Variants in ACTMAP observed in about 807,000 individuals in gnomAD.
ACTMAP encodes actin maturation protease, also known as UPF0692 protein C19orf54.
the ACTMAP span, among the ~76,000 whole-genome samples, chr19:40,743,195 A>G: frequency 1.3e-5 from 2 of 151,182 alleles, no homozygotes; most frequent in East Asian, 3.9e-4. Context: ...CGGTGCTGGT[A>G]ATACTTACAG....
the ACTMAP span, chr19:40,743,805 G>A: frequency 6.8e-7 from 1 of 1,461,636 alleles, no homozygotes; most frequent in Non-Finnish European, 9.5e-7. Flanking sequence ...GCCCAGCCTG[G>A]CTGGGGAGGC....
chr19:40,743,782 G>A, the ACTMAP span: 2 of 1,222,112 alleles, frequency 1.6e-6, no homozygotes, highest in Admixed American at 1.9e-5. Flanking sequence ...CCTGCCCGGT[G>A]CTAATGCTAA....
At chr19:40,748,451 G>A in the ACTMAP span, among the ~76,000 whole-genome samples, 1 of 151,830 alleles carries the variant, frequency 6.6e-6, no homozygotes, top group African/African-American at 2.4e-5. Context: ...CTTTTCTTCA[G>A]CCAGGCAATC....
chr19:40,742,638 G>A, the ACTMAP span: 1 of 1,613,418 alleles, frequency 6.2e-7, no homozygotes, highest in Non-Finnish European at 8.5e-7. Flanking sequence ...CAGGTAGACA[G>A]CTCCCGGGGA....
At chr19:40,745,091 G>A in the ACTMAP span, 2 of 1,549,166 alleles carry the variant, frequency 1.3e-6, no homozygotes, top group Non-Finnish European at 8.7e-7. Flanking sequence ...CAGAGTAAAG[G>A]CAGCAGATGG....
At chr19:40,741,029 G>A in the ACTMAP span, 1 of 398,712 alleles carries the variant, frequency 2.5e-6, no homozygotes, top group South Asian at 1.3e-4. Context: ...TACAATGCAG[G>A]GGACACAGTG....
At chr19:40,746,400 TTTTTG>T in the ACTMAP span, among the ~76,000 whole-genome samples, 2 of 149,930 alleles carry the variant, frequency 1.3e-5, no homozygotes, top group African/African-American at 5.0e-5. Context: ...TTTGTTTTTG[TTTTTG>T]TTTTTTTTTG....
the ACTMAP span, chr19:40,744,991 T>A: frequency 9.5e-7 from 1 of 1,053,324 alleles, no homozygotes; most frequent in Non-Finnish European, 1.4e-6. Flanking sequence ...GAAGCCTGAG[T>A]GGAAAGTTCC....
At chr19:40,741,208 G>A in the ACTMAP span, 4 of 388,984 alleles carry the variant, frequency 1.0e-5, no homozygotes, top group Admixed American at 4.3e-5. Flanking sequence ...TTGGGAGGCC[G>A]AGGCGGGTGG....
chr19:40,747,671 C>T, the ACTMAP span, among the ~76,000 whole-genome samples: 662 of 152,126 alleles, frequency 4.4e-3, 7 homozygotes, highest in African/African-American at 0.015. Context: ...GCCTGGGCAA[C>T]ACAGCAAGAC....
At chr19:40,750,095 G>A in the ACTMAP span, among the ~76,000 whole-genome samples, 1 of 152,154 alleles carries the variant, frequency 6.6e-6, no homozygotes, top group Non-Finnish European at 1.5e-5. Context: ...TAGGTGGAGA[G>A]TTAGTAGGAG....
the ACTMAP span, chr19:40,742,329 CCT>C: frequency 5.9e-6 from 7 of 1,192,124 alleles, no homozygotes; most frequent in South Asian, 1.6e-5. Flanking sequence ...ACTGGAGACC[CCT>C]GAGACCTAGC....
At chr19:40,743,567 A>G in the ACTMAP span, among the ~76,000 whole-genome samples, 1 of 152,166 alleles carries the variant, frequency 6.6e-6, no homozygotes, top group Non-Finnish European at 1.5e-5. Context: ...TGCTCTGCCT[A>G]CAAGGCAGCC....
At chr19:40,742,027 A>C in the ACTMAP span, 2 of 464,898 alleles carry the variant, frequency 4.3e-6, no homozygotes, top group Non-Finnish European at 8.6e-6. Context: ...CACTTCAGGG[A>C]TCTAAAAGGC....
At chr19:40,744,633 C>T in the ACTMAP span, 1 of 1,613,716 alleles carries the variant, frequency 6.2e-7, no homozygotes, top group Non-Finnish European at 8.5e-7. Context: ...GGGGACGCCA[C>T]TGGGGGGCGA....
the ACTMAP span, chr19:40,744,300 C>T: frequency 7.0e-7 from 1 of 1,425,380 alleles, no homozygotes; most frequent in Non-Finnish European, 9.3e-7. Context: ...ACCTTCCACC[C>T]CTTGGTACAA....
At chr19:40,743,806 C>A in the ACTMAP span, 7 of 1,470,744 alleles carry the variant, frequency 4.8e-6, no homozygotes, top group Middle Eastern at 2.0e-4. Context: ...CCCAGCCTGG[C>A]TGGGGAGGCA....
chr19:40,749,906 T>C, the ACTMAP span: 3 of 953,774 alleles, frequency 3.1e-6, no homozygotes, highest in East Asian at 3.1e-5. Context: ...GTTTAAGAGC[T>C]GAGTTCCAGA....
At chr19:40,743,087 A>G in the ACTMAP span, among the ~76,000 whole-genome samples, 1 of 152,020 alleles carries the variant, frequency 6.6e-6, no homozygotes, top group African/African-American at 2.4e-5. Context: ...AGCTGTCAAG[A>G]CCACAAAGCC....
Sources: allele counts gnomAD v4.1 joint callset (sites outside exome capture counted in the v4.1 genomes callset), GRCh38; gene constraint gnomAD v4.1.1; transcripts MANE v1.5; gene names NCBI Gene and HGNC (gene_info 2026-07-23, HGNC 2026-07-21).